Variants in ROBO2 observed in about 807,000 individuals in gnomAD.
ROBO2 encodes the protein roundabout homolog 2.
ROBO2 carries 53 observed loss-of-function variants against 160.8 expected under a neutral mutation model. That is an observed-to-expected ratio of 0.33 (90% confidence interval 0.26 to 0.41). The LOEUF is 0.41. Ranked by LOEUF, ROBO2 falls within the 10% of genes least tolerant of loss-of-function variation. The pLI, the probability that ROBO2 is intolerant of heterozygous loss-of-function variation, is 1.00. For missense variants in ROBO2, 1,577 were observed against 1,722.4 expected, an observed-to-expected ratio of 0.92 and a Z score of 1.49; for synonymous variants, 664 against 611.7, an observed-to-expected ratio of 1.09 and a Z score of -1.26.
intron 2 of ROBO2, among the ~76,000 whole-genome samples, chr3:76,382,259 C>T (rs941111895): frequency 4.6e-5 from 7 of 152,140 alleles, no homozygotes; most frequent in African/African-American, 1.7e-4. Flanking sequence ...TGAGCCACAG[C>T]GCTCGGCCTC....
chr3:76,068,527 G>A (rs1486733172), intron 2 of ROBO2, among the ~76,000 whole-genome samples: 2 of 152,140 alleles, frequency 1.3e-5, no homozygotes, highest in Admixed American at 1.3e-4. Context: ...AATTAATGCA[G>A]GAACATTATT....
intron 8 of ROBO2, among the ~76,000 whole-genome samples, chr3:77,555,509 T>A (rs1446906176): frequency 6.6e-6 from 1 of 152,016 alleles, no homozygotes; most frequent in African/African-American, 2.4e-5. Flanking sequence ...TCAATATACT[T>A]GAGTTTCAAT....
intron 2 of ROBO2, among the ~76,000 whole-genome samples, chr3:76,274,852 A>G (rs1707827200): frequency 6.6e-6 from 1 of 151,124 alleles, no homozygotes; most frequent in East Asian, 1.9e-4. Flanking sequence ...AAAAAAAAAA[A>G]GAATGAAAGG....
chr3:76,513,529 C>A (rs1222866372), intron 2 of ROBO2, among the ~76,000 whole-genome samples: 2 of 152,050 alleles, frequency 1.3e-5, no homozygotes. Context: ...CGTGGCCTCC[C>A]AAAGTGCTGG....
At chr3:75,933,790 G>T (rs1418927596) in intron 1 of ROBO2, among the ~76,000 whole-genome samples, 1 of 152,218 alleles carries the variant, frequency 6.6e-6, no homozygotes, top group Non-Finnish European at 1.5e-5. Context: ...GCTGGCCACA[G>T]ATAGAAGCCA....
At chr3:76,135,134 A>T (rs2071382471) in intron 2 of ROBO2, among the ~76,000 whole-genome samples, 2 of 152,048 alleles carry the variant, frequency 1.3e-5, no homozygotes, top group Admixed American at 1.3e-4. Flanking sequence ...GTGGGGCAAG[A>T]TTCTGGGATA....
At chr3:77,270,875 G>A (rs1475631975) in intron 2 of ROBO2, among the ~76,000 whole-genome samples, 2 of 151,858 alleles carry the variant, frequency 1.3e-5, no homozygotes, top group African/African-American at 4.8e-5. Context: ...CCTGGAAGGC[G>A]GAGCTTGCAG....
chr3:76,057,984 G>A (rs1158628722), intron 2 of ROBO2, among the ~76,000 whole-genome samples: 1 of 152,080 alleles, frequency 6.6e-6, no homozygotes, highest in Admixed American at 6.5e-5. Flanking sequence ...TTTGTGAAGG[G>A]TTATGATTAT....
At chr3:76,831,397 A>G (rs912724582) in intron 2 of ROBO2, among the ~76,000 whole-genome samples, 8 of 152,344 alleles carry the variant, frequency 5.3e-5, no homozygotes, top group Admixed American at 1.3e-4. Flanking sequence ...GCCTTAGCAC[A>G]TAAACAATAT....
intron 2 of ROBO2, among the ~76,000 whole-genome samples, chr3:77,016,304 C>G (rs2062249226): frequency 6.6e-6 from 1 of 152,100 alleles, no homozygotes; most frequent in African/African-American, 2.4e-5. Flanking sequence ...GACTGAGTTT[C>G]AGAGTTTTGC....
At chr3:77,264,936 A>C (rs1240242163) in intron 2 of ROBO2, among the ~76,000 whole-genome samples, 1 of 152,148 alleles carries the variant, frequency 6.6e-6, no homozygotes, top group Non-Finnish European at 1.5e-5. Context: ...ACTATAGAAA[A>C]ATCTCTTTAT....
In ROBO2 at chr3:77,145,416, A is replaced by G. The variant is rs530530548; in HGVS notation, c.388+47076A>G. 6.6e-5 allele frequency among the ~76,000 whole-genome samples: 10 copies of G among 152,310 alleles called. No homozygotes were observed. The East Asian group carries it at 1.5e-3, about 23-fold the overall frequency. ...TTCTTGTAGCTAACGTTCTGAAGGA[A>G]CCGCTGTATTTTAAGTCATGTCTTT... is the stretch of plus-strand genomic sequence containing the variant. On this transcript the variant is annotated intron_variant, in intron 2 of 25. Transcript: ENST00000461745.
intron 2 of ROBO2, among the ~76,000 whole-genome samples, chr3:76,965,619 G>A (rs185908031): frequency 3.5e-4 from 53 of 150,898 alleles, no homozygotes; most frequent in African/African-American, 1.2e-3. Flanking sequence ...GCAATGTTAG[G>A]CAAGCAAATT....
intron 2 of ROBO2, among the ~76,000 whole-genome samples, chr3:76,369,907 G>C (rs1336673836): frequency 2.0e-5 from 3 of 151,896 alleles, no homozygotes; most frequent in Non-Finnish European, 4.4e-5. Context: ...ATACCAGAAA[G>C]AACTCTGAAC....
chr3:76,082,083 G>A (rs1242036817), intron 2 of ROBO2, among the ~76,000 whole-genome samples: 1 of 152,040 alleles, frequency 6.6e-6, no homozygotes, highest in African/African-American at 2.4e-5. Context: ...CTATCTACAA[G>A]CATCAGTCAC....
At chr3:76,693,287 G>A (rs1037038095) in intron 2 of ROBO2, among the ~76,000 whole-genome samples, 1 of 149,234 alleles carries the variant, frequency 6.7e-6, no homozygotes, top group East Asian at 2.0e-4. Flanking sequence ...TATATAGTGT[G>A]TATCTATATG....
intron 2 of ROBO2, among the ~76,000 whole-genome samples, chr3:76,739,586 C>T (rs1327328934): frequency 6.6e-6 from 1 of 151,826 alleles, no homozygotes; most frequent in Non-Finnish European, 1.5e-5. Flanking sequence ...TGTAACTGAC[C>T]TGCACGTTGT....
At chr3:76,635,173 C>T (rs1288442815) in intron 2 of ROBO2, among the ~76,000 whole-genome samples, 1 of 152,162 alleles carries the variant, frequency 6.6e-6, no homozygotes, top group Non-Finnish European at 1.5e-5. Context: ...ATGACTTAGA[C>T]TAAGTCATTT....
At chr3:76,461,379 G>A (rs2106790423) in intron 2 of ROBO2, among the ~76,000 whole-genome samples, 1 of 152,138 alleles carries the variant, frequency 6.6e-6, no homozygotes, top group Non-Finnish European at 1.5e-5. Context: ...ACGAGATTTG[G>A]GCAGGGACAA....
Sources: allele counts gnomAD v4.1 joint callset (sites outside exome capture counted in the v4.1 genomes callset), GRCh38; gene constraint gnomAD v4.1.1; transcripts MANE v1.5; gene names NCBI Gene and HGNC (gene_info 2026-07-23, HGNC 2026-07-21).